ADGRV1: variants seen among roughly 807,000 people sequenced by gnomAD.
The protein encoded by ADGRV1 is adhesion G protein-coupled receptor V1.
In ADGRV1, 359 loss-of-function variants were observed where a neutral mutation model predicts 596.2. That is an observed-to-expected ratio of 0.60 (90% confidence interval 0.55 to 0.66). The LOEUF is 0.66. Ranked by LOEUF, ADGRV1 falls within the 30% of genes least tolerant of loss-of-function variation. The pLI is 0.00. For missense variants in ADGRV1, 7,274 were observed against 7,575.6 expected, an observed-to-expected ratio of 0.96 and a Z score of 1.48; for synonymous variants, 2,681 against 2,679.2, an observed-to-expected ratio of 1.00 and a Z score of -0.02.
chr5:90,779,412 T>G (rs947345955), intron 64 of ADGRV1: 1 of 171,866 alleles, frequency 5.8e-6, no homozygotes, highest in East Asian at 1.5e-4. Flanking sequence ...AACAGCTCTC[T>G]AAATCAGAGG....
At chr5:90,651,168 GTA>G (rs1382853069) in intron 17 of ADGRV1, among the ~76,000 whole-genome samples, 5 of 152,126 alleles carry the variant, frequency 3.3e-5, no homozygotes, top group African/African-American at 1.2e-4. Flanking sequence ...ACAGACAGTA[GTA>G]TTTTTATGTT....
At chr5:90,724,541 T>A (rs1252425265) in intron 45 of ADGRV1, among the ~76,000 whole-genome samples, 4 of 152,216 alleles carry the variant, frequency 2.6e-5, no homozygotes, top group African/African-American at 9.6e-5. Flanking sequence ...ATTTAGTATT[T>A]ATTTCTAAAT....
intron 83 of ADGRV1, among the ~76,000 whole-genome samples, chr5:90,955,922 C>A (rs1268971384): frequency 1.3e-5 from 2 of 152,072 alleles, no homozygotes; most frequent in Non-Finnish European, 2.9e-5. Flanking sequence ...TTAGAGAAAA[C>A]ACATTAATTT....
chr5:90,688,077 C>T (rs1007326956), intron 29 of ADGRV1, among the ~76,000 whole-genome samples: 24 of 152,096 alleles, frequency 1.6e-4, no homozygotes, highest in Non-Finnish European at 3.4e-4. Flanking sequence ...AAAAAGAGCC[C>T]GCATCGCCGA....
At chr5:90,819,108 A>C (rs1017366194) in intron 75 of ADGRV1, among the ~76,000 whole-genome samples, 9 of 152,264 alleles carry the variant, frequency 5.9e-5, no homozygotes, top group African/African-American at 2.2e-4. Flanking sequence ...TTATTGGTCT[A>C]TTCAGAGATT....
intron 43 of ADGRV1, among the ~76,000 whole-genome samples, chr5:90,719,140 GC>G (rs1750568050): frequency 6.6e-6 from 1 of 152,042 alleles, no homozygotes; most frequent in South Asian, 2.1e-4. Flanking sequence ...GACCAGCCTG[GC>G]CAACATAGTG....
At chr5:90,961,069 C>T (rs1777963374) in intron 83 of ADGRV1, among the ~76,000 whole-genome samples, 1 of 152,056 alleles carries the variant, frequency 6.6e-6, no homozygotes, top group African/African-American at 2.4e-5. Flanking sequence ...CCCTTAGGCA[C>T]CCGTCTATTA....
chr5:90,606,080 A>G (rs942281463), intron 1 of ADGRV1, among the ~76,000 whole-genome samples: 1 of 152,192 alleles, frequency 6.6e-6, no homozygotes, highest in South Asian at 2.1e-4. Flanking sequence ...TGTGCCTTGT[A>G]TGATCATTAA....
chr5:90,927,566 G>A (rs891184202), intron 83 of ADGRV1, among the ~76,000 whole-genome samples: 1 of 152,170 alleles, frequency 6.6e-6, no homozygotes, highest in Non-Finnish European at 1.5e-5. Flanking sequence ...ACAGCACACT[G>A]ATGGGTCCTG....
intron 85 of ADGRV1, among the ~76,000 whole-genome samples, chr5:90,991,281 A>T (rs1026900620): frequency 6.6e-6 from 1 of 152,248 alleles, no homozygotes; most frequent in Non-Finnish European, 1.5e-5. Flanking sequence ...ACTAATTCAT[A>T]TGAATTCAAG....
intron 43 of ADGRV1, 31 bp downstream of exon 43, chr5:90,716,760 G>T: frequency 6.6e-7 from 1 of 1,523,328 alleles, no homozygotes; most frequent in Non-Finnish European, 9.0e-7. Flanking sequence ...GAGAATGGAA[G>T]TTTATCTTTA....
chr5:91,067,518 G>A (rs1324626857), intron 85 of ADGRV1, among the ~76,000 whole-genome samples: 1 of 152,118 alleles, frequency 6.6e-6, no homozygotes. Flanking sequence ...GATATGTCTG[G>A]TTACTTCCAA....
chr5:91,083,309 T>C (rs2126522623), intron 86 of ADGRV1, among the ~76,000 whole-genome samples: 1 of 152,092 alleles, frequency 6.6e-6, no homozygotes, highest in Non-Finnish European at 1.5e-5. Flanking sequence ...AGTTAATGGG[T>C]GCAGCACACC....
intron 58 of ADGRV1, among the ~76,000 whole-genome samples, chr5:90,762,361 G>T (rs1756602779): frequency 6.6e-6 from 1 of 152,122 alleles, no homozygotes; most frequent in South Asian, 2.1e-4. Context: ...TAAGGTATAT[G>T]TAAGAACTGA....
chr5:90,661,254 T>C (rs1770245833), intron 21 of ADGRV1, among the ~76,000 whole-genome samples: 1 of 152,236 alleles, frequency 6.6e-6, no homozygotes, highest in African/African-American at 2.4e-5. Context: ...TTCATAGTGA[T>C]TCATAGAACT....
At chr5:91,155,970 C>G (rs1562291074) in intron 89 of ADGRV1, among the ~76,000 whole-genome samples, 1 of 152,088 alleles carries the variant, frequency 6.6e-6, no homozygotes, top group Non-Finnish European at 1.5e-5. Flanking sequence ...AGAGGAATGC[C>G]GAGGAAAGAC....
At position 90,642,911 on chromosome 5, in the gene ADGRV1, A is replaced by G. The variant is rs776669764; in HGVS notation, c.2423A>G (p.Gln808Arg). The change falls in exon 13 of 90, where the codon CAG (glutamine) becomes CGG (arginine). Residue 808 changes from glutamine (Q) to arginine (R), a missense_variant. Coordinates refer to ENST00000405460, the MANE Select transcript of ADGRV1 (RefSeq NM_032119.4). ...IIRSRGSLVK[Q>R]FLHYRVEPRD... ...CGATCAAGGGGGTCCCTTGTTAAGC[A>G]GTTTCTACACTACCGAGTAGAGCCA... 2 of 1,612,324 alleles carry G rather than the reference A, an allele frequency of 1.2e-6. No homozygotes were observed. Among genetic ancestry groups the G allele is most frequent in the South Asian group, 1.1e-5 (1 of 90,728 alleles).
At chr5:90,635,023 C>T (rs541468464) in intron 9 of ADGRV1, 91 bp from the exon 10 acceptor site, 68 of 737,504 alleles carry the variant, frequency 9.2e-5, no homozygotes, top group African/African-American at 6.2e-4. Context: ...CCTCTACCTA[C>T]GCTTACTTTG....
At chr5:90,981,306 C>T (rs1050475387) in intron 84 of ADGRV1, among the ~76,000 whole-genome samples, 13 of 152,216 alleles carry the variant, frequency 8.5e-5, no homozygotes, top group African/African-American at 1.4e-4. Context: ...CTTCTCCAAA[C>T]GAAGCAATCA....
Sources: allele counts gnomAD v4.1 joint callset (sites outside exome capture counted in the v4.1 genomes callset), GRCh38; gene constraint gnomAD v4.1.1; transcripts MANE v1.5; gene names NCBI Gene and HGNC (gene_info 2026-07-23, HGNC 2026-07-21).